Variants in CACHD1 observed in about 807,000 individuals in gnomAD.
CACHD1 encodes cache domain containing 1, also known as VWFA and cache domain-containing protein 1.
A neutral mutation model predicts 138.7 loss-of-function variants in CACHD1; 71 were observed. The ratio of observed to expected loss-of-function variants is 0.51; its 90% CI spans 0.42 to 0.62. CACHD1 has a LOEUF of 0.62. Among genes scored for constraint, CACHD1 ranks in the 20% least tolerant of loss-of-function variants. CACHD1 has a pLI of 0.00. For missense variants in CACHD1, 1,389 were observed against 1,625.3 expected (o/e 0.85, Z 2.50); for synonymous variants, 578 against 591.5 (o/e 0.98, Z 0.33).
At chr1:64,681,540 T>TG (rs1553146852) in intron 25 of CACHD1, among the ~76,000 whole-genome samples, 6,051 of 126,188 alleles carry the variant, frequency 0.048, 511 homozygotes, top group East Asian at 0.23. Flanking sequence ...GATTTTATTG[T>TG]GTTTTTTTTT....
chr1:64,522,555 C>G (rs535252887), intron 1 of CACHD1, among the ~76,000 whole-genome samples: 6 of 84,536 alleles, frequency 7.1e-5, no homozygotes, highest in Non-Finnish European at 2.1e-4. Flanking sequence ...CGCCTGCCCG[C>G]TTCAGCCTCC....
rs762595341 is a variant in CACHD1 at position 64,681,987 on chromosome 1, G to C, written c.3485-18G>C. 2 of 1,609,772 alleles carry C rather than the reference G, an allele frequency of 1.2e-6. No individual in the cohort carries two copies. Among genetic ancestry groups the C allele is most frequent in the Non-Finnish European group, 1.7e-6 (2 of 1,176,202 alleles). ...TACTGGCATAAGAGTGACATTAACT[G>C]TCCTTGGCTTCCTACAGTCAGCAAC... is the stretch of plus-strand genomic sequence containing the variant. On this transcript the variant is annotated intron_variant, in intron 25 of 26. Coordinates refer to ENST00000651257, the MANE Select transcript of CACHD1 (RefSeq NM_020925.4).
intron 2 of CACHD1, 56 bp downstream of exon 2, chr1:64,550,712 C>A: frequency 1.7e-6 from 2 of 1,180,656 alleles, no homozygotes; most frequent in Non-Finnish European, 2.5e-6. Context: ...TTAGATGTGG[C>A]TTCGTCACTC....
intron 1 of CACHD1, among the ~76,000 whole-genome samples, chr1:64,478,722 C>A (rs758970813): frequency 6.6e-6 from 1 of 152,056 alleles, no homozygotes; most frequent in Non-Finnish European, 1.5e-5. Context: ...GTTGCTATAT[C>A]GAATTCATGT....
chr1:64,640,659 G>A (rs1383508884), intron 7 of CACHD1, among the ~76,000 whole-genome samples: 1 of 151,442 alleles, frequency 6.6e-6, no homozygotes, highest in Non-Finnish European at 1.5e-5. Context: ...GGGTAACAGA[G>A]CAAGACTCAG....
intron 2 of CACHD1, among the ~76,000 whole-genome samples, chr1:64,559,617 C>A (rs1646823731): frequency 6.6e-6 from 1 of 152,024 alleles, no homozygotes; most frequent in Non-Finnish European, 1.5e-5. Context: ...TCTCTATGAA[C>A]AAACCTTCAC....
At chr1:64,545,154 T>C (rs972642673) in intron 1 of CACHD1, among the ~76,000 whole-genome samples, 1 of 152,218 alleles carries the variant, frequency 6.6e-6, no homozygotes, top group Non-Finnish European at 1.5e-5. Context: ...ACAAAACATT[T>C]GTGTATTTAC....
rs188673604 is a variant in CACHD1 at position 64,548,966 on chromosome 1, C to T, written c.199-1628C>T. Among the ~76,000 whole-genome samples, 3 of 152,220 alleles carry T rather than the reference C, an allele frequency of 2.0e-5. No individual in the cohort carries two copies. The East Asian group carries it at 5.8e-4, about 29-fold the overall frequency. ...TTATAAGACAATAGAGTTAGGAGCG[C>T]CAGATCTGAAGTCATATTGCCTGGG... On this transcript the variant is annotated intron_variant, in intron 1 of 26. Coordinates refer to ENST00000651257, the MANE Select transcript of CACHD1 (RefSeq NM_020925.4).
intron 1 of CACHD1, among the ~76,000 whole-genome samples, chr1:64,544,353 T>C (rs183395556): frequency 6.6e-6 from 1 of 152,288 alleles, no homozygotes; most frequent in East Asian, 1.9e-4. Context: ...TTTGGCAGAG[T>C]TGTTGGTGGC....
At chr1:64,476,531 A>G (rs1450907906) in intron 1 of CACHD1, among the ~76,000 whole-genome samples, 1 of 152,270 alleles carries the variant, frequency 6.6e-6, no homozygotes, top group Non-Finnish European at 1.5e-5. Flanking sequence ...TGTGTACCAT[A>G]TAAGCCTTAG....
At chr1:64,540,320 T>C (rs1010816322) in intron 1 of CACHD1, among the ~76,000 whole-genome samples, 2 of 150,790 alleles carry the variant, frequency 1.3e-5, no homozygotes, top group Non-Finnish European at 3.0e-5. Context: ...ATCTAGGGGG[T>C]AGGGGTGGAG....
chr1:64,666,009 A>C, intron 15 of CACHD1, 48 bp from the exon 16 acceptor site: 2 of 1,192,302 alleles, frequency 1.7e-6, no homozygotes, highest in Middle Eastern at 2.4e-4. Context: ...CATCTCAAAA[A>C]AAATAAATAA....
chr1:64,675,131 AC>A (rs1367940450), intron 19 of CACHD1, among the ~76,000 whole-genome samples: 44 of 152,232 alleles, frequency 2.9e-4, no homozygotes, highest in African/African-American at 1.0e-3. Context: ...GATTTTAATA[AC>A]AGTTATAAAA....
At chr1:64,533,912 C>T (rs1326150237) in intron 1 of CACHD1, among the ~76,000 whole-genome samples, 1 of 151,698 alleles carries the variant, frequency 6.6e-6, no homozygotes, top group African/African-American at 2.4e-5. Context: ...GCCACCACAT[C>T]CGGCTAATTT....
chr1:64,627,293 G>A (rs1648139955), intron 4 of CACHD1, among the ~76,000 whole-genome samples: 1 of 152,132 alleles, frequency 6.6e-6, no homozygotes, highest in African/African-American at 2.4e-5. Flanking sequence ...TATAGTCTTA[G>A]CTACACAGGA....
At chr1:64,569,532 G>A (rs1253236542) in intron 2 of CACHD1, among the ~76,000 whole-genome samples, 1 of 152,112 alleles carries the variant, frequency 6.6e-6, no homozygotes, top group Non-Finnish European at 1.5e-5. Context: ...TAGGGGGAAT[G>A]GGTGTTGCAG....
At chr1:64,624,139 C>T (rs1041312123) in intron 4 of CACHD1, among the ~76,000 whole-genome samples, 3 of 152,178 alleles carry the variant, frequency 2.0e-5, no homozygotes, top group Non-Finnish European at 4.4e-5. Flanking sequence ...GCCTCATTAC[C>T]ATCATATCCA....
intron 4 of CACHD1, among the ~76,000 whole-genome samples, chr1:64,612,793 T>C (rs1280230349): frequency 2.6e-5 from 4 of 152,254 alleles, no homozygotes; most frequent in African/African-American, 9.6e-5. Context: ...GTTGTTTTCA[T>C]GCCTGCTAGT....
intron 3 of CACHD1, among the ~76,000 whole-genome samples, chr1:64,597,524 GTT>G (rs34162933): frequency 0.017 from 1,341 of 80,402 alleles, 18 homozygotes; most frequent in African/African-American, 0.04. Context: ...TTTTTTTGTT[GTT>G]TTTTTTTTTT....
Sources: gnomAD v4.1 joint callset for allele counts (sites outside exome capture counted in the v4.1 genomes callset) on GRCh38, gnomAD v4.1.1 for gene constraint, MANE v1.5 for transcripts, NCBI Gene and HGNC (gene_info 2026-07-23, HGNC 2026-07-21) for gene names.